Variants in USH2A observed in about 807,000 individuals in gnomAD.
USH2A encodes usherin.
In USH2A, 443 loss-of-function variants were observed where a neutral mutation model predicts 538.9. The ratio of observed to expected loss-of-function variants is 0.82; its 90% CI spans 0.76 to 0.89. The LOEUF (loss-of-function observed/expected upper bound fraction) is 0.89. Ranked by LOEUF, USH2A falls within the 40% of genes least tolerant of loss-of-function variation. USH2A has a pLI of 0.00. For synonymous variants in USH2A, 2,413 were observed against 2,273.5 expected (o/e 1.06, Z -1.75); for missense variants, 6,633 against 6,324.8 (o/e 1.05, Z -1.65).
intron 14 of USH2A, among the ~76,000 whole-genome samples, chr1:216,222,980 GAAAAAA>G (rs68139217): frequency 8.9e-6 from 1 of 112,052 alleles, no homozygotes; most frequent in Non-Finnish European, 1.8e-5. Context: ...CTCCATCTCA[GAAAAAA>G]AAAAAAAAAA....
chr1:215,947,042 C>CTTT (rs34295902), intron 37 of USH2A, among the ~76,000 whole-genome samples: 34 of 146,408 alleles, frequency 2.3e-4, no homozygotes, highest in Non-Finnish European at 4.2e-4. Flanking sequence ...AGGTATATTA[C>CTTT]TTTTTTTTTT....
At chr1:215,751,951 C>G (rs1444312449) in intron 58 of USH2A, among the ~76,000 whole-genome samples, 1 of 152,138 alleles carries the variant, frequency 6.6e-6, no homozygotes, top group Non-Finnish European at 1.5e-5. Flanking sequence ...AAGCCCATTC[C>G]ATGTTAGAAA....
chr1:216,173,878 A>G, intron 21 of USH2A: 3 of 832,948 alleles, frequency 3.6e-6, no homozygotes, highest in Non-Finnish European at 4.3e-6. Context: ...GGTAGTTTCC[A>G]TTTTCATTTG....
intron 13 of USH2A, among the ~76,000 whole-genome samples, chr1:216,237,140 T>A (rs571533440): frequency 3.9e-5 from 6 of 152,194 alleles, no homozygotes; most frequent in Non-Finnish European, 7.3e-5. Flanking sequence ...TTTCTCCAAC[T>A]AAGTTCTCGG....
At chr1:216,176,753 G>A (rs1008112228) in intron 20 of USH2A, among the ~76,000 whole-genome samples, 6 of 152,018 alleles carry the variant, frequency 3.9e-5, no homozygotes, top group South Asian at 2.1e-4. Context: ...ACTCATCTCC[G>A]TAGTTTTGCC....
chr1:215,992,325 G>T (rs1368656408), intron 35 of USH2A, among the ~76,000 whole-genome samples: 1 of 152,048 alleles, frequency 6.6e-6, no homozygotes, highest in East Asian at 1.9e-4. Flanking sequence ...GAACCTTAAA[G>T]ATATTTCCAC....
intron 32 of USH2A, among the ~76,000 whole-genome samples, chr1:216,001,006 T>C (rs1668254049): frequency 6.6e-6 from 1 of 152,200 alleles, no homozygotes; most frequent in Non-Finnish European, 1.5e-5. Context: ...GATTCCATTC[T>C]TCTCCTGTCC....
chr1:216,163,479 T>C (rs1018083079), intron 21 of USH2A, among the ~76,000 whole-genome samples: 65 of 152,204 alleles, frequency 4.3e-4, no homozygotes, highest in African/African-American at 1.5e-3. Flanking sequence ...TTTTTTATTT[T>C]ATTTATCTTA....
rs1233562309 is a variant in USH2A, at chr1:216,196,700, A to G, written c.4104T>C (p.Pro1368=). Residue 1368 remains proline, a synonymous_variant, in exon 19 of 72, where the codon CCT becomes CCC. Transcript: ENST00000307340. ...GESAPVFMIP[P]SVFPLSSYSL... ...AGTACGAAGAGAGGGGAAAGACTGA[A>G]GGAGGGATCATGAATACAGGTGCTA... 17 of 1,613,152 alleles carry G rather than the reference A, an allele frequency of 1.1e-5. No homozygotes were observed. Among genetic ancestry groups the G allele is most frequent in the Non-Finnish European group, 1.4e-5 (17 of 1,179,546 alleles).
intron 32 of USH2A, among the ~76,000 whole-genome samples, chr1:216,036,192 T>C (rs1208803086): frequency 6.6e-6 from 1 of 152,168 alleles, no homozygotes; most frequent in Non-Finnish European, 1.5e-5. Flanking sequence ...TAAGTATTAA[T>C]GGTTAAGTGT....
chr1:215,782,683 T>A, intron 53 of USH2A, 55 bp downstream of exon 53: 1 of 1,581,674 alleles, frequency 6.3e-7, no homozygotes, highest in Non-Finnish European at 8.7e-7. Flanking sequence ...CTCATTTCAA[T>A]TTTCTTATGA....
Position 216,198,315 on chromosome 1 carries a change from C to T in USH2A, c.4081G>A (p.Ala1361Thr), listed in dbSNP as rs2034898469. 2 of 1,613,856 alleles carry T rather than the reference C, an allele frequency of 1.2e-6. No homozygotes were observed. The highest frequency in any genetic ancestry group is 1.1e-5 in the South Asian group (1 of 91,072). Residue 1361 changes from alanine (A) to threonine (T), a missense_variant and splice_region_variant, in exon 18 of 72, where the codon GCA becomes ACA. Physicochemically the swap from Ala to Thr is moderately conservative, Grantham distance 58. Coordinates refer to ENST00000307340, the MANE Select transcript of USH2A (RefSeq NM_206933.4). ...AWVSERTGES[A>T]PVFMIPPSVF... ...TAGAATTTAAAACATTGATCTTTAC[C>T]TGATTCTCCCGTTCTTTCTGAGACC...
intron 58 of USH2A, among the ~76,000 whole-genome samples, chr1:215,756,931 C>T (rs1183795144): frequency 6.7e-6 from 1 of 148,340 alleles, no homozygotes. Context: ...AACAAACAAA[C>T]AAACAAACAA....
rs528904824 is a variant in USH2A, at chr1:216,422,007, T to C, written c.330A>G (p.Thr110=). 2 of 1,613,930 alleles carry C rather than the reference T, an allele frequency of 1.2e-6. No homozygotes were observed. Among genetic ancestry groups the C allele is most frequent in the Middle Eastern group, 1.7e-4 (1 of 6,060 alleles). The stretch of plus-strand genomic sequence containing the variant: ...TAGGATGCAGATCATTCTTGTCTGG[T>C]GTGATGCAGCTACTGAGGCCTGCTG... ...LFSAGLSSCI[T]PDKNDLHPNA... The change falls in exon 2 of 72, where the codon ACA becomes ACG. Residue 110 remains threonine, a synonymous_variant. Transcript: ENST00000307340.
intron 18 of USH2A, among the ~76,000 whole-genome samples, chr1:216,197,019 TAA>T (rs2034863281): frequency 6.6e-6 from 1 of 152,158 alleles, no homozygotes; most frequent in South Asian, 2.1e-4. Flanking sequence ...TAGGAAATTA[TAA>T]GTCTTACGAG....
At position 215,634,617 on chromosome 1, in the gene USH2A, T is replaced by G. The variant is rs773541511; in HGVS notation, c.15139A>C (p.Met5047Leu). The change falls in exon 70 of 72, where the codon ATG becomes CTG. Residue 5047 changes from methionine (M) to leucine (L), a missense_variant. Physicochemically the swap from Met to Leu is conservative, Grantham distance 15 (BLOSUM62 2). Coordinates refer to ENST00000307340, the MANE Select transcript of USH2A (RefSeq NM_206933.4). ...AACAAGATCAAGCCCAGCATCGCCA[T>G]TAACACTATGAACCACAGCTCGCTG... ...FYSELWFIVL[M>L]AMLGLILLAI... 3.1e-6 allele frequency: 5 copies of G among 1,614,088 alleles called. No individual in the cohort carries two copies. In the African/African-American group the frequency reaches 4.0e-5, roughly 13 times the overall value.
chr1:216,368,775 T>TC (rs2038647083), intron 3 of USH2A, among the ~76,000 whole-genome samples: 1 of 152,208 alleles, frequency 6.6e-6, no homozygotes, highest in Non-Finnish European at 1.5e-5. Flanking sequence ...TTTGAGAAAT[T>TC]ATGTCTTAAT....
chr1:216,060,825 A>G (rs2031152929), intron 30 of USH2A, among the ~76,000 whole-genome samples: 1 of 152,218 alleles, frequency 6.6e-6, no homozygotes. Flanking sequence ...AATAATTTCA[A>G]ATCAAATTAT....
intron 11 of USH2A, among the ~76,000 whole-genome samples, chr1:216,279,369 A>T (rs748090929): frequency 6.6e-6 from 1 of 152,130 alleles, no homozygotes; most frequent in South Asian, 2.1e-4. Flanking sequence ...GATTCAGAGG[A>T]TGGAGCAAAG....
Sources: gnomAD v4.1 joint callset for allele counts (sites outside exome capture counted in the v4.1 genomes callset) on GRCh38, gnomAD v4.1.1 for gene constraint, MANE v1.5 for transcripts, NCBI Gene and HGNC (gene_info 2026-07-23, HGNC 2026-07-21) for gene names.